Variants in MAST2 observed in about 807,000 individuals in gnomAD.
The protein encoded by MAST2 is microtubule associated serine/threonine kinase 2.
In MAST2, 70 loss-of-function variants were observed where a neutral mutation model predicts 147.4. The ratio of observed to expected loss-of-function variants is 0.47; its 90% CI spans 0.39 to 0.58. The LOEUF is 0.58. MAST2 is among the 20% of genes least tolerant of loss of function. The pLI is 0.00. For synonymous variants in MAST2, 869 were observed against 896.8 expected (o/e 0.97, Z 0.55); for missense variants, 2,080 against 2,302.3 (o/e 0.90, Z 1.98).
chr1:45,953,355 C>T (rs962719353), intron 4 of MAST2, among the ~76,000 whole-genome samples: 2 of 152,142 alleles, frequency 1.3e-5, no homozygotes, highest in African/African-American at 4.8e-5. Context: ...TTCTGACTAC[C>T]TGCTTCTGTG....
chr1:45,915,040 A>G (rs1652254263), intron 4 of MAST2, among the ~76,000 whole-genome samples: 2 of 152,156 alleles, frequency 1.3e-5, no homozygotes, highest in African/African-American at 2.4e-5. Flanking sequence ...CCTGGGCCCA[A>G]GGGATCCTTC....
intron 3 of MAST2, among the ~76,000 whole-genome samples, chr1:45,862,699 A>G (rs558041795): frequency 5.3e-5 from 8 of 152,092 alleles, no homozygotes; most frequent in Admixed American, 3.3e-4. Context: ...CGAACTCCTG[A>G]CCTCAGATGA....
At position 46,001,683 on chromosome 1, in the gene MAST2, G is replaced by A. The variant is rs554537989; in HGVS notation, c.669-1122G>A. 3.3e-5 allele frequency among the ~76,000 whole-genome samples: 5 copies of A among 152,268 alleles called. No homozygotes were observed. The East Asian group carries it at 5.8e-4, about 18-fold the overall frequency. ...CATGTGCATGTGGCATGGAACCTGC[G>A]GCTCACCCCTTACAGAACAGAGTAG... On this transcript the variant is annotated intron_variant, in intron 6 of 28. Coordinates refer to ENST00000361297, the MANE Select transcript of MAST2 (RefSeq NM_015112.3).
chr1:45,977,484 A>G (rs538689302), intron 5 of MAST2, among the ~76,000 whole-genome samples: 1 of 148,814 alleles, frequency 6.7e-6, no homozygotes, highest in East Asian at 2.0e-4. Flanking sequence ...GGGAAACTCT[A>G]TCTCAAACAA....
chr1:46,034,180 G>A lies in MAST2; in HGVS notation c.3782G>A (p.Gly1261Glu), dbSNP rs1646799341. The A allele has an allele frequency of 3.7e-6, 6 of 1,613,900 alleles. No individual in the cohort carries two copies. The highest frequency in any genetic ancestry group is 1.1e-5 in the South Asian group (1 of 91,086). The change falls in exon 28 of 29, where the codon GGG (glycine) becomes GAG (glutamate). Residue 1261 changes from glycine to glutamate, a missense_variant. Around this residue, in one of 4 missense-constraint regions of MAST2, gnomAD observed 1,278 missense variants for 1,304.2 expected, o/e 0.98. Transcript: ENST00000361297. Reference sequence around the variant, plus strand: ...CGCTCCTTGTCATCAGGGGAGAGTGGGCCAGGCTCTCCCACACACAGCCAC... The same window carrying A: ...CGCTCCTTGTCATCAGGGGAGAGTGAGCCAGGCTCTCCCACACACAGCCAC... Reference protein sequence around the residue: ...LNRSLSSGESGPGSPTHSHSL... With the variant: ...LNRSLSSGESEPGSPTHSHSL...
chr1:46,006,949 G>T (rs1168400636), intron 8 of MAST2, among the ~76,000 whole-genome samples: 7 of 152,192 alleles, frequency 4.6e-5, no homozygotes, highest in African/African-American at 1.7e-4. Context: ...ACAGGTTGCT[G>T]GCGTGGGGAA....
chr1:46,028,339 C>T (rs1646501401), intron 17 of MAST2, among the ~76,000 whole-genome samples: 1 of 152,232 alleles, frequency 6.6e-6, no homozygotes, highest in Admixed American at 6.5e-5. Flanking sequence ...TCTTGGAACA[C>T]AGCTCTGAAT....
intron 3 of MAST2, among the ~76,000 whole-genome samples, chr1:45,880,532 GTAAGATTAAGTAATT>G (rs1646797165): frequency 2.6e-5 from 4 of 152,026 alleles, no homozygotes. Flanking sequence ...ATTGGCATAC[GTAAGATTAAGTAATT>G]TAAGATTTGT....
At chr1:45,938,251 A>G (rs1410427075) in intron 4 of MAST2, among the ~76,000 whole-genome samples, 2 of 152,272 alleles carry the variant, frequency 1.3e-5, no homozygotes, top group South Asian at 2.1e-4. Context: ...ATTTCCATGC[A>G]TATCTTTGTG....
In MAST2 at chr1:46,022,074, C is replaced by T. The variant is rs1646209050; in HGVS notation, c.1415C>T (p.Pro472Leu). ...IVSQLGLTRDPLEEMAQLSSC... is the reference protein window; with the variant it reads ...IVSQLGLTRDLLEEMAQLSSC... ...AGCCAGCTGGGCCTCACCCGGGATCCCCTAGAAGGTGAGCATGCTGCCTAG... is the reference window on the plus strand; with the variant it reads ...AGCCAGCTGGGCCTCACCCGGGATCTCCTAGAAGGTGAGCATGCTGCCTAG... Residue 472 changes from proline to leucine, a missense_variant, in exon 12 of 29, where the codon CCC becomes CTC. By Grantham distance (98) the Pro-to-Leu change is moderately conservative. Transcript: ENST00000361297. The T allele has an allele frequency of 1.9e-6, 3 of 1,614,116 alleles. No individual in the cohort carries two copies. Among genetic ancestry groups the T allele is most frequent in the Admixed American group, 1.7e-5 (1 of 60,026 alleles).
At chr1:45,896,277 C>T (rs1648725735) in intron 4 of MAST2, among the ~76,000 whole-genome samples, 1 of 152,126 alleles carries the variant, frequency 6.6e-6, no homozygotes. Context: ...GTGATCCGCC[C>T]TCCTTGGTCT....
intron 4 of MAST2, among the ~76,000 whole-genome samples, chr1:45,934,378 C>T (rs528590184): frequency 2.6e-5 from 4 of 152,188 alleles, no homozygotes; most frequent in South Asian, 2.1e-4. Flanking sequence ...TCCAGCTACT[C>T]GGGAGGCTGA....
intron 3 of MAST2, among the ~76,000 whole-genome samples, chr1:45,845,477 G>A (rs1645402266): frequency 6.6e-6 from 1 of 152,110 alleles, no homozygotes; most frequent in Non-Finnish European, 1.5e-5. Flanking sequence ...TTTTCTTGAA[G>A]AGACTCAAAT....
intron 1 of MAST2, among the ~76,000 whole-genome samples, chr1:45,807,469 C>A (rs1013234346): frequency 3.3e-5 from 5 of 152,072 alleles, no homozygotes; most frequent in African/African-American, 1.2e-4. Flanking sequence ...TGACCTCTTT[C>A]CTTAGCTCTA....
chr1:45,989,316 G>A (rs1644769803), intron 5 of MAST2, among the ~76,000 whole-genome samples: 1 of 152,132 alleles, frequency 6.6e-6, no homozygotes, highest in Non-Finnish European at 1.5e-5. Flanking sequence ...TACGTGTATA[G>A]CAGTATCAAA....
chr1:45,821,504 T>C (rs1354852854), intron 1 of MAST2, among the ~76,000 whole-genome samples: 1 of 147,912 alleles, frequency 6.8e-6, no homozygotes, highest in Non-Finnish European at 1.5e-5. Flanking sequence ...AGTTTTGGTA[T>C]GTTATTTCTT....
chr1:45,927,691 G>C (rs1654619979), intron 4 of MAST2, among the ~76,000 whole-genome samples: 1 of 152,150 alleles, frequency 6.6e-6, no homozygotes, highest in Non-Finnish European at 1.5e-5. Context: ...AATTTGTGCA[G>C]TTAACACAGT....
intron 4 of MAST2, among the ~76,000 whole-genome samples, chr1:45,949,710 A>G (rs747784057): frequency 1.3e-5 from 2 of 152,214 alleles, no homozygotes; most frequent in African/African-American, 2.4e-5. Context: ...CAGCAATTTC[A>G]TTACTAGGTA....
At chr1:45,893,059 A>G (rs1404713790) in intron 4 of MAST2, among the ~76,000 whole-genome samples, 2 of 152,242 alleles carry the variant, frequency 1.3e-5, no homozygotes, top group Non-Finnish European at 2.9e-5. Flanking sequence ...TGGGTCTGGA[A>G]TAAGTCCTAT....
Sources: allele counts gnomAD v4.1 joint callset (sites outside exome capture counted in the v4.1 genomes callset), GRCh38; gene constraint gnomAD v4.1.1; regional missense constraint gnomAD v4.1.1; transcripts MANE v1.5; gene names NCBI Gene and HGNC (gene_info 2026-07-23, HGNC 2026-07-21).